ATP10B: variants seen among roughly 807,000 people sequenced by gnomAD.
The protein encoded by ATP10B is ATPase phospholipid transporting 10B (putative).
A neutral mutation model predicts 141.2 loss-of-function variants in ATP10B; 122 were observed. The observed-to-expected ratio is 0.86, with a 90% CI of 0.75 to 1.00. ATP10B has a LOEUF of 1.00. ATP10B is among the 50% of genes least tolerant of loss of function. The probability of loss-of-function intolerance (pLI) is 0.00; values close to 1 mark genes in which losing one functional copy is unlikely to be tolerated. For missense variants in ATP10B, 1,876 were observed against 1,825.3 expected, an observed-to-expected ratio of 1.03 and a Z score of -0.51; for synonymous variants, 685 against 692.0, an observed-to-expected ratio of 0.99 and a Z score of 0.16.
At chr5:160,626,220 C>A (rs149571066) in intron 13 of ATP10B, among the ~76,000 whole-genome samples, 111 of 152,326 alleles carry the variant, frequency 7.3e-4, no homozygotes, top group African/African-American at 2.4e-3. Flanking sequence ...TATGTAAGAG[C>A]TTTGTGGCAG....
chr5:160,680,809 T>C (rs185396271), intron 6 of ATP10B, among the ~76,000 whole-genome samples: 6 of 152,218 alleles, frequency 3.9e-5, no homozygotes, highest in Non-Finnish European at 8.8e-5. Context: ...TAGGGATTGG[T>C]TTAGGGATGA....
the ATP10B span, among the ~76,000 whole-genome samples, chr5:160,876,002 C>G: frequency 1.3e-4 from 8 of 60,830 alleles, 2 homozygotes; most frequent in African/African-American, 2.2e-4. Context: ...CAAGGATATC[C>G]AGGAATTGAA....
At chr5:160,654,674 T>C (rs1023953629) in intron 7 of ATP10B, among the ~76,000 whole-genome samples, 2 of 152,142 alleles carry the variant, frequency 1.3e-5, no homozygotes, top group Admixed American at 6.5e-5. Flanking sequence ...GCCATTCACA[T>C]CGTCAGATTC....
At chr5:160,678,622 A>G (rs1481683567) in intron 6 of ATP10B, among the ~76,000 whole-genome samples, 1 of 152,226 alleles carries the variant, frequency 6.6e-6, no homozygotes, top group East Asian at 1.9e-4. Context: ...GCGCCACTGC[A>G]CTCCAGCCTG....
intron 17 of ATP10B, chr5:160,614,407 TCA>T (rs1459147748): frequency 2.0e-5 from 3 of 152,184 alleles, no homozygotes; most frequent in African/African-American, 7.2e-5. Flanking sequence ...GGAACACCTC[TCA>T]CAGACTGAGC....
chr5:160,806,495 A>G (rs1772780131), intron 1 of ATP10B, among the ~76,000 whole-genome samples: 1 of 152,242 alleles, frequency 6.6e-6, no homozygotes, highest in Non-Finnish European at 1.5e-5. Context: ...CAGACAACAA[A>G]AATGCAAGCT....
At chr5:160,662,429 T>C (rs1367217158) in intron 7 of ATP10B, among the ~76,000 whole-genome samples, 2 of 152,218 alleles carry the variant, frequency 1.3e-5, no homozygotes, top group Non-Finnish European at 2.9e-5. Context: ...AACAGCACGG[T>C]ACTGGTACCA....
chr5:160,632,427 A>T lies in ATP10B; in HGVS notation c.1382-60T>A, dbSNP rs1188206828. ...TACCTCGGCTGGACCATGTTGGGGAAAACCTAGACTTTGTGTGGGGGGTGG... is the reference window on the plus strand; with the variant it reads ...TACCTCGGCTGGACCATGTTGGGGATAACCTAGACTTTGTGTGGGGGGTGG... On this transcript the variant is annotated intron_variant, in intron 12 of 25. Coordinates refer to ENST00000327245, the MANE Select transcript of ATP10B (RefSeq NM_025153.3). 4 of 1,523,730 alleles carry T rather than the reference A, an allele frequency of 2.6e-6. No individual in the cohort carries two copies. In the African/African-American group the frequency reaches 5.5e-5, roughly 21 times the overall value. The allele number at this position is 1,523,730 out of a possible 1,614,324, so 94.4% of individuals were successfully genotyped here.
chr5:160,802,240 C>T (rs1045859528), intron 1 of ATP10B, among the ~76,000 whole-genome samples: 5 of 152,176 alleles, frequency 3.3e-5, no homozygotes, highest in African/African-American at 1.2e-4. Context: ...CTGCCTTCTT[C>T]CACAGTAGTC....
the ATP10B span, among the ~76,000 whole-genome samples, chr5:160,882,066 T>G: frequency 6.6e-6 from 1 of 151,928 alleles, no homozygotes; most frequent in Non-Finnish European, 1.5e-5. Flanking sequence ...CTGGAGACAA[T>G]AAAATATCAG....
At chr5:160,594,581 GAC>G (rs1351350289) in intron 22 of ATP10B, among the ~76,000 whole-genome samples, 2 of 151,640 alleles carry the variant, frequency 1.3e-5, no homozygotes, top group African/African-American at 4.9e-5. Flanking sequence ...CCAATTAAAA[GAC>G]ACAGACTGGC....
chr5:160,925,916 T>C, the ATP10B span, among the ~76,000 whole-genome samples: 1 of 152,196 alleles, frequency 6.6e-6, no homozygotes, highest in Non-Finnish European at 1.5e-5. Flanking sequence ...AGGCCTCATC[T>C]CATCAGATAA....
intron 13 of ATP10B, among the ~76,000 whole-genome samples, chr5:160,627,144 C>T (rs568918965): frequency 2.4e-4 from 36 of 152,168 alleles, no homozygotes; most frequent in Non-Finnish European, 1.0e-4. Context: ...CTCCTTATTC[C>T]TCCAGTTAAT....
At chr5:160,857,009 T>C (rs1024575826), upstream of ATP10B, among the ~76,000 whole-genome samples, 11 of 151,820 alleles carry the variant, frequency 7.2e-5, no homozygotes, top group Non-Finnish European at 1.5e-4. Flanking sequence ...CATGAAGGCT[T>C]TGGGTCTATA....
At chr5:160,771,116 T>C (rs765486058) in intron 2 of ATP10B, among the ~76,000 whole-genome samples, 9 of 152,172 alleles carry the variant, frequency 5.9e-5, no homozygotes, top group Non-Finnish European at 1.2e-4. Flanking sequence ...CCCTCAGAAG[T>C]ATGCACAGTG....
chr5:160,572,610 T>C (rs1754942516), intron 24 of ATP10B, among the ~76,000 whole-genome samples: 1 of 152,208 alleles, frequency 6.6e-6, no homozygotes, highest in Non-Finnish European at 1.5e-5. Flanking sequence ...GAATACAGAA[T>C]CTTTAGTCTC....
chr5:160,879,725 C>G, the ATP10B span, among the ~76,000 whole-genome samples: 442 of 152,072 alleles, frequency 2.9e-3, 1 homozygote, highest in African/African-American at 0.01. Flanking sequence ...GTAGTCCCAG[C>G]TACTTGGGAG....
chr5:160,807,975 G>C (rs1772898627), intron 1 of ATP10B, among the ~76,000 whole-genome samples: 2 of 152,106 alleles, frequency 1.3e-5, no homozygotes, highest in Non-Finnish European at 2.9e-5. Context: ...TCTTTTACTT[G>C]AGATGCTTCT....
At chr5:160,899,586 A>C in the ATP10B span, among the ~76,000 whole-genome samples, 14,833 of 151,878 alleles carry the variant, frequency 0.098, 815 homozygotes, top group Non-Finnish European at 0.12. Flanking sequence ...CTCTCCCCCC[A>C]AAAAAGATTT....
Sources: allele counts gnomAD v4.1 joint callset (sites outside exome capture counted in the v4.1 genomes callset), GRCh38; gene constraint gnomAD v4.1.1; transcripts MANE v1.5; gene names NCBI Gene and HGNC (gene_info 2026-07-23, HGNC 2026-07-21).